The following CTNNA1 variants were observed in gnomAD, a reference collection of about 807,000 sequenced individuals.
The protein encoded by CTNNA1 is catenin alpha-1.
In CTNNA1, 37 loss-of-function variants were observed where a neutral mutation model predicts 98.4. The ratio of observed to expected loss-of-function variants is 0.38; its 90% confidence interval spans 0.29 to 0.49. CTNNA1 has a LOEUF of 0.49. Among genes scored for constraint, CTNNA1 ranks in the 20% least tolerant of loss-of-function variants. CTNNA1 has a pLI of 0.95. For synonymous variants in CTNNA1, 404 were observed against 413.2 expected (o/e 0.98, Z 0.27); for missense variants, 761 against 1,147.2 (o/e 0.66, Z 4.86).
At chr5:138,917,535 ATTTGT>A (rs1352224021) in intron 10 of CTNNA1, among the ~76,000 whole-genome samples, 1 of 94,986 alleles carries the variant, frequency 1.1e-5, no homozygotes, top group Admixed American at 1.0e-4. Flanking sequence ...TACAGTTTTT[ATTTGT>A]TTTATCATTG....
intron 10 of CTNNA1, among the ~76,000 whole-genome samples, chr5:138,917,027 G>A (rs1399056064): frequency 2.0e-5 from 3 of 152,130 alleles, no homozygotes; most frequent in Non-Finnish European, 4.4e-5. Context: ...GACCGCCTTG[G>A]CCTCCCAAGT....
At position 138,846,768 on chromosome 5, in the gene CTNNA1, A is replaced by AT. The variant is rs901661590; in HGVS notation, c.1062+19050_1062+19051insT. ...CTGAATTAAAAATAGTTAAAAAAAAACCCCTCAAATTATACTGAACAGGTG... is the reference window on the plus strand; with the variant it reads ...CTGAATTAAAAATAGTTAAAAAAAAATCCCCTCAAATTATACTGAACAGGTG... On this transcript the variant is annotated intron_variant, in intron 7 of 17. Transcript: ENST00000302763. Among the ~76,000 whole-genome samples the AT allele has an allele frequency of 1.2e-4, 19 of 152,072 alleles. No homozygotes were observed. The South Asian group carries it at 1.4e-3, about 12-fold the overall frequency.
chr5:138,849,001 C>G (rs1233154668), intron 7 of CTNNA1, among the ~76,000 whole-genome samples: 1 of 152,072 alleles, frequency 6.6e-6, no homozygotes. Flanking sequence ...GGATTACAGG[C>G]GTGAGCCACC....
Position 138,827,499 on chromosome 5 carries a change from A to C in CTNNA1, c.859-16A>C. 1 of 1,613,516 alleles carries C rather than the reference A, an allele frequency of 6.2e-7. No homozygotes were observed. Among genetic ancestry groups the C allele is most frequent in the African/African-American group, 1.3e-5 (1 of 75,048 alleles). On this transcript the variant is annotated splice_polypyrimidine_tract_variant and intron_variant, in intron 6 of 17. Transcript: ENST00000302763. ...ACAGAGATGAGTACTAACATTCGGT[A>C]ATACTTTCTCTGCAGAAACAAATCA...
chr5:138,824,419 A>G (rs1760423618), intron 5 of CTNNA1, 111 bp from the exon 6 acceptor site: 1 of 1,144,536 alleles, frequency 8.7e-7, no homozygotes, highest in Non-Finnish European at 1.2e-6. Context: ...AATGAAAATA[A>G]TGTGTCTAAT....
At chr5:138,887,262 T>C (rs1754274307) in intron 8 of CTNNA1, among the ~76,000 whole-genome samples, 1 of 152,148 alleles carries the variant, frequency 6.6e-6, no homozygotes, top group Non-Finnish European at 1.5e-5. Context: ...GAACTGAGAT[T>C]CTGTTGCTGA....
intron 3 of CTNNA1, chr5:138,791,154 T>G (rs1021853490): frequency 2.0e-5 from 3 of 152,200 alleles, no homozygotes; most frequent in Non-Finnish European, 4.4e-5. Context: ...CAGATTTGTC[T>G]TAAGATTTCT....
chr5:138,759,869 G>T (rs1490458723), intron 1 of CTNNA1, among the ~76,000 whole-genome samples: 1 of 151,040 alleles, frequency 6.6e-6, no homozygotes, highest in Non-Finnish European at 1.5e-5. Flanking sequence ...ACAGTCCCCA[G>T]AATTACATCT....
intron 7 of CTNNA1, among the ~76,000 whole-genome samples, chr5:138,836,378 T>G (rs1761773306): frequency 6.6e-6 from 1 of 152,222 alleles, no homozygotes; most frequent in Non-Finnish European, 1.5e-5. Flanking sequence ...TGAAAACACT[T>G]TGTCAAAAAT....
intron 7 of CTNNA1, among the ~76,000 whole-genome samples, chr5:138,882,495 G>GATCTTTCAAT (rs1753132810): frequency 6.6e-6 from 1 of 152,110 alleles, no homozygotes; most frequent in African/African-American, 2.4e-5. Flanking sequence ...TTCAATGTAG[G>GATCTTTCAAT]GCACTTTTTA....
At chr5:138,774,715 G>C (rs377644951) in intron 1 of CTNNA1, among the ~76,000 whole-genome samples, 1 of 151,690 alleles carries the variant, frequency 6.6e-6, no homozygotes, top group African/African-American at 2.4e-5. Flanking sequence ...TCTGCCTCCC[G>C]GGTTCACGCC....
chr5:138,789,198 C>T (rs894588609), intron 3 of CTNNA1, among the ~76,000 whole-genome samples: 1 of 145,702 alleles, frequency 6.9e-6, no homozygotes, highest in Non-Finnish European at 1.5e-5. Context: ...TCCCCCCCCC[C>T]AGAGCTTATA....
chr5:138,797,899 A>T (rs895030007), intron 3 of CTNNA1, among the ~76,000 whole-genome samples: 5 of 151,858 alleles, frequency 3.3e-5, no homozygotes, highest in African/African-American at 9.7e-5. Flanking sequence ...AAAAAAATTT[A>T]AAAAAAGCAG....
At chr5:138,916,415 A>T (rs1580788023) in intron 10 of CTNNA1, among the ~76,000 whole-genome samples, 2 of 146,296 alleles carry the variant, frequency 1.4e-5, no homozygotes, top group African/African-American at 2.6e-5. Flanking sequence ...TTTTTTGGAG[A>T]CAAGAGTCGT....
intron 7 of CTNNA1, among the ~76,000 whole-genome samples, chr5:138,847,695 G>A (rs1762851473): frequency 6.6e-6 from 1 of 152,094 alleles, no homozygotes; most frequent in Non-Finnish European, 1.5e-5. Context: ...GGCATATTTT[G>A]GGGGAGGGGC....
At chr5:138,930,335 C>T in intron 14 of CTNNA1, 138 bp from the exon 15 acceptor site, 3 of 645,370 alleles carry the variant, frequency 4.6e-6, no homozygotes, top group Middle Eastern at 8.8e-4. Context: ...AGAGAAATAG[C>T]CCTTCAGGCG....
intron 17 of CTNNA1, chr5:138,933,043 A>G: frequency 4.0e-6 from 3 of 752,502 alleles, no homozygotes; most frequent in Admixed American, 1.7e-5. Flanking sequence ...CTGAGACACA[A>G]TAATTACTTG....
At chr5:138,794,076 G>A (rs1756670984) in intron 3 of CTNNA1, among the ~76,000 whole-genome samples, 1 of 149,514 alleles carries the variant, frequency 6.7e-6, no homozygotes, top group Admixed American at 6.7e-5. Context: ...GAAGTGCAGT[G>A]GTGCAATCTC....
intron 16 of CTNNA1, 184 bp from the exon 17 acceptor site, chr5:138,932,394 C>T (rs1258000545): frequency 2.5e-5 from 36 of 1,418,266 alleles, no homozygotes; most frequent in East Asian, 1.0e-4. Flanking sequence ...TCAGCTCACC[C>T]GCCTCCATCC....
Sources: gnomAD v4.1 joint callset for allele counts (sites outside exome capture counted in the v4.1 genomes callset) on GRCh38, gnomAD v4.1.1 for gene constraint, MANE v1.5 for transcripts, NCBI Gene and HGNC (gene_info 2026-07-23, HGNC 2026-07-21) for gene names.